FAT3: variants seen among roughly 807,000 people sequenced by gnomAD.
FAT3 encodes FAT atypical cadherin 3.
In FAT3, 95 loss-of-function variants were observed where a neutral mutation model predicts 310.2. The observed-to-expected ratio is 0.31, with a 90% confidence interval of 0.26 to 0.36. The LOEUF (loss-of-function observed/expected upper bound fraction) is 0.36. FAT3 is among the 10% of genes least tolerant of loss of function. The pLI is 1.00. For synonymous variants in FAT3, 2,314 were observed against 2,192.9 expected, an observed-to-expected ratio of 1.06 and a Z score of -1.54; for missense variants, 5,408 against 5,715.6, an observed-to-expected ratio of 0.95 and a Z score of 1.74.
intron 2 of FAT3, among the ~76,000 whole-genome samples, chr11:92,465,764 A>G (rs935401940): frequency 1.3e-5 from 2 of 152,168 alleles, no homozygotes; most frequent in African/African-American, 4.8e-5. Flanking sequence ...CCTGATGTAA[A>G]TGATGAGTTA....
At chr11:92,540,672 T>C (rs1267807637) in intron 3 of FAT3, among the ~76,000 whole-genome samples, 1 of 152,214 alleles carries the variant, frequency 6.6e-6, no homozygotes, top group African/African-American at 2.4e-5. Flanking sequence ...AAGTTGTTCA[T>C]ATACCTTCAA....
At chr11:92,554,525 G>A in intron 3 of FAT3, among the ~76,000 whole-genome samples, 1 of 138,560 alleles carries the variant, frequency 7.2e-6, no homozygotes, top group South Asian at 2.3e-4. Context: ...AGCATTAACT[G>A]TCTATTTCAA....
Position 92,354,109 on chromosome 11 carries a change from C to T in FAT3, c.1997C>T (p.Ser666Phe), listed in dbSNP as rs372914793. The T allele has an allele frequency of 1.9e-6, 3 of 1,613,756 alleles. No individual in the cohort carries two copies. Among genetic ancestry groups the T allele is most frequent in the Non-Finnish European group, 2.5e-6 (3 of 1,179,816 alleles). The change falls in exon 2 of 28, where the codon TCT becomes TTT. Residue 666 changes from serine to phenylalanine, a missense_variant. Around this residue, in one of 5 missense-constraint regions of FAT3, gnomAD observed 4,588 missense variants for 4,809.8 expected, o/e 0.95. Coordinates refer to ENST00000525166, the MANE Select transcript of FAT3 (RefSeq NM_001367949.2). ...TDGENLADPM[S>F]INISVLHGKV... ...GGAGAGAATCTTGCAGACCCCATGT[C>T]TATTAACATTTCAGTCCTACATGGG...
chr11:92,317,996 G>A (rs899663343), intron 1 of FAT3, among the ~76,000 whole-genome samples: 2 of 152,094 alleles, frequency 1.3e-5, no homozygotes, highest in African/African-American at 4.8e-5. Flanking sequence ...TTTTTCTTTA[G>A]CAGAAATCAT....
chr11:92,470,050 T>G (rs1448909140), intron 2 of FAT3, among the ~76,000 whole-genome samples: 6 of 152,196 alleles, frequency 3.9e-5, no homozygotes, highest in Non-Finnish European at 7.3e-5. Context: ...AGTATTTATT[T>G]TCATTATCTC....
chr11:92,425,655 G>A (rs1016327957), intron 2 of FAT3, among the ~76,000 whole-genome samples: 2 of 152,070 alleles, frequency 1.3e-5, no homozygotes, highest in Non-Finnish European at 2.9e-5. Context: ...CTGTTCCTGT[G>A]TTAGTTTGCC....
intron 3 of FAT3, among the ~76,000 whole-genome samples, chr11:92,602,988 G>A (rs1940104293): frequency 6.6e-6 from 1 of 152,158 alleles, no homozygotes; most frequent in Non-Finnish European, 1.5e-5. Context: ...ATAGCCTCAT[G>A]CATATGGAAG....
chr11:92,227,229 A>G (rs576058528), intron 1 of FAT3, among the ~76,000 whole-genome samples: 36 of 152,084 alleles, frequency 2.4e-4, no homozygotes, highest in Admixed American at 2.0e-3. Context: ...CGGACATATT[A>G]ATTTTCTGGC....
Position 92,805,192 on chromosome 11 carries a change from A to C in FAT3, c.8936A>C (p.Gln2979Pro). The change falls in exon 11 of 28, where the codon CAA becomes CCA. Residue 2979 changes from glutamine (Q) to proline (P), a missense_variant. Physicochemically the swap from Gln to Pro is moderately conservative, Grantham distance 76. This residue lies in a region of FAT3 where 4,588 missense variants were observed against 4,809.8 expected (regional missense o/e 0.95). Coordinates refer to ENST00000525166, the MANE Select transcript of FAT3 (RefSeq NM_001367949.2). Reference protein sequence around the residue: ...PRGRFALGLVQSEWKVYVKRP... With the variant: ...PRGRFALGLVPSEWKVYVKRP... ...GGAAGGTTTGCTCTGGGCCTGGTGC[A>C]AAGTGAGTGGAAGGTCTATGTGAAG... is the stretch of plus-strand genomic sequence containing the variant. 6.2e-7 allele frequency: 1 copy of C among 1,613,778 alleles called. No individual in the cohort carries two copies. The highest frequency in any genetic ancestry group is 1.7e-5 in the Admixed American group (1 of 60,014).
intron 1 of FAT3, among the ~76,000 whole-genome samples, chr11:92,332,868 C>T (rs1947955018): frequency 6.6e-6 from 1 of 152,108 alleles, no homozygotes; most frequent in African/African-American, 2.4e-5. Context: ...CCTCATAGCC[C>T]TTTGTTTCCT....
chr11:92,318,991 A>G (rs1185465190), intron 1 of FAT3, among the ~76,000 whole-genome samples: 1 of 152,204 alleles, frequency 6.6e-6, no homozygotes, highest in Non-Finnish European at 1.5e-5. Context: ...TGCAATAAAC[A>G]CAACAAACAT....
At chr11:92,574,537 A>G (rs964229051) in intron 3 of FAT3, among the ~76,000 whole-genome samples, 2 of 152,084 alleles carry the variant, frequency 1.3e-5, no homozygotes, top group Admixed American at 1.3e-4. Context: ...ACTATGGGAA[A>G]TGTACTCACC....
intron 1 of FAT3, among the ~76,000 whole-genome samples, chr11:92,292,648 G>A (rs143374542): frequency 3.2e-4 from 49 of 152,182 alleles, no homozygotes; most frequent in African/African-American, 1.2e-3. Context: ...CACCTGGAAT[G>A]ACACTTCTAT....
In FAT3 at chr11:92,891,802, G is replaced by A. The variant is rs1280867384; in HGVS notation, c.*689G>A. ...AAGGTATCAATGAAGAGCAACATGA[G>A]GCTTTTTGGGTTCCATTTGGTGGGT... On this transcript the variant is annotated 3_prime_UTR_variant, in exon 28 of 28. Coordinates refer to ENST00000525166, the MANE Select transcript of FAT3 (RefSeq NM_001367949.2). The A allele has an allele frequency of 6.6e-6, 1 of 152,382 alleles. No homozygotes were observed. Among genetic ancestry groups the A allele is most frequent in the Non-Finnish European group, 1.5e-5 (1 of 68,192 alleles). The allele number at this position is 152,382 out of a possible 1,614,324, so 9.4% of individuals were successfully genotyped here. A position where few individuals can be genotyped will look rare whatever the true frequency, so the allele number is the denominator to read the frequency against.
rs16918206 is a variant in FAT3, at chr11:92,868,857, C to T, written c.12127+1648C>T. ...TGGAACTATGTTAATTAAATGGCTA[C>T]GACCCACATGGGGAATAGCAATTTT... is the stretch of plus-strand genomic sequence containing the variant. On this transcript the variant is annotated intron_variant, in intron 22 of 27. Coordinates refer to ENST00000525166, the MANE Select transcript of FAT3 (RefSeq NM_001367949.2). Among the ~76,000 whole-genome samples, 1,406 of 152,308 alleles carry T rather than the reference C, an allele frequency of 9.2e-3. 23 individuals carry two copies. Among genetic ancestry groups the T allele is most frequent in the African/African-American group, 0.032 (1,321 of 41,560 alleles).
At chr11:92,655,580 A>T (rs1418918606) in intron 3 of FAT3, among the ~76,000 whole-genome samples, 1 of 152,112 alleles carries the variant, frequency 6.6e-6, no homozygotes, top group Non-Finnish European at 1.5e-5. Context: ...TTCTTTTCTC[A>T]TCATCCCATC....
intron 4 of FAT3, among the ~76,000 whole-genome samples, chr11:92,709,263 T>A (rs1181894935): frequency 1.3e-5 from 2 of 152,246 alleles, no homozygotes; most frequent in Non-Finnish European, 1.5e-5. Context: ...GGAATTTTTT[T>A]ATGTTTCATT....
At chr11:92,454,251 G>A (rs1951440656) in intron 2 of FAT3, among the ~76,000 whole-genome samples, 1 of 152,124 alleles carries the variant, frequency 6.6e-6, no homozygotes, top group Non-Finnish European at 1.5e-5. Flanking sequence ...GATGATGCAG[G>A]TCCAGAGTAA....
chr11:92,505,807 G>T (rs1357714921), intron 2 of FAT3, among the ~76,000 whole-genome samples: 2 of 152,110 alleles, frequency 1.3e-5, no homozygotes, highest in African/African-American at 2.4e-5. Context: ...ACTGGAAGAA[G>T]AAACATTATT....
Sources: allele counts gnomAD v4.1 joint callset (sites outside exome capture counted in the v4.1 genomes callset), GRCh38; gene constraint gnomAD v4.1.1; regional missense constraint gnomAD v4.1.1; transcripts MANE v1.5; gene names NCBI Gene and HGNC (gene_info 2026-07-23, HGNC 2026-07-21).